The following CLASP1 variants were observed in gnomAD, a reference collection of about 807,000 sequenced individuals.
CLASP1 encodes cytoplasmic linker associated protein 1, also known as CLIP-associating protein 1.
In CLASP1, 38 loss-of-function variants were observed where a neutral mutation model predicts 192.3. The observed-to-expected ratio is 0.20, with a 90% CI of 0.15 to 0.26. The LOEUF (loss-of-function observed/expected upper bound fraction) is 0.26. Ranked by LOEUF, CLASP1 falls within the 10% of genes least tolerant of loss-of-function variation. The pLI is 1.00. For missense variants in CLASP1, 1,433 were observed against 1,932.5 expected, an observed-to-expected ratio of 0.74 and a Z score of 4.85; for synonymous variants, 691 against 712.8, an observed-to-expected ratio of 0.97 and a Z score of 0.49.
intron 18 of CLASP1, 46 bp downstream of exon 18, chr2:121,448,230 C>A (rs752933032): frequency 8.4e-6 from 13 of 1,553,008 alleles, no homozygotes; most frequent in Non-Finnish European, 1.2e-5. Context: ...GCACGTACAG[C>A]CCACCAGAGC....
intron 10 of CLASP1, 48 bp downstream of exon 10, chr2:121,462,484 G>A: frequency 9.5e-7 from 1 of 1,047,356 alleles, no homozygotes; most frequent in Non-Finnish European, 1.4e-6. Context: ...AAAACTTGAA[G>A]AGTAAGTTGA....
intron 8 of CLASP1, among the ~76,000 whole-genome samples, chr2:121,472,366 C>T (rs1263131648): frequency 7.2e-5 from 11 of 152,136 alleles, no homozygotes; most frequent in Admixed American, 5.9e-4. Flanking sequence ...AAAAGAACTA[C>T]GTGCAGGCAC....
intron 1 of CLASP1, among the ~76,000 whole-genome samples, chr2:121,622,567 CAA>C (rs60748257): frequency 2.0e-4 from 27 of 133,928 alleles, no homozygotes; most frequent in South Asian, 2.3e-4. Context: ...GACCCTGTCT[CAA>C]AAAAAAAAAA....
chr2:121,494,294 G>C (rs2093440044), intron 8 of CLASP1, among the ~76,000 whole-genome samples: 1 of 152,228 alleles, frequency 6.6e-6, no homozygotes, highest in South Asian at 2.1e-4. Context: ...CCTGTCATTT[G>C]CAACAACATG....
chr2:121,493,229 T>C (rs542512047), intron 8 of CLASP1, among the ~76,000 whole-genome samples: 47 of 152,278 alleles, frequency 3.1e-4, no homozygotes, highest in South Asian at 1.2e-3. Flanking sequence ...AATCACATTA[T>C]CTGACTTCAA....
At chr2:121,416,450 T>C (rs1387164120) in intron 23 of CLASP1, among the ~76,000 whole-genome samples, 1 of 152,142 alleles carries the variant, frequency 6.6e-6, no homozygotes, top group Non-Finnish European at 1.5e-5. Context: ...GCTACGTAAG[T>C]GGATTCAAAG....
chr2:121,478,745 CACACACCA>C (rs2092060287), intron 8 of CLASP1, among the ~76,000 whole-genome samples: 2 of 79,748 alleles, frequency 2.5e-5, no homozygotes, highest in Non-Finnish European at 2.6e-5. Context: ...ACACACCCCA[CACACACCA>C]CACACACACC....
chr2:121,430,460 T>C (rs142665184), intron 19 of CLASP1, among the ~76,000 whole-genome samples: 234 of 152,400 alleles, frequency 1.5e-3, no homozygotes, highest in Non-Finnish European at 2.7e-3. Context: ...TTTAGTATGT[T>C]ATCTCTTCAG....
At chr2:121,461,266 G>A (rs2087873570) in intron 10 of CLASP1, 73 bp from the exon 11 acceptor site, 1 of 790,108 alleles carries the variant, frequency 1.3e-6, no homozygotes, top group African/African-American at 1.8e-5. Context: ...ATTACATGAA[G>A]TCAAGAACAT....
In CLASP1 at chr2:121,342,490, G is replaced by A. The variant is rs1257312598; in HGVS notation, c.4531-1543C>T. On this transcript the variant is annotated intron_variant, in intron 39 of 39. Transcript: ENST00000263710. ...GATGCAGCAAAAACAGTGCTGAAGA[G>A]GGAAATTTAGAGTTATAAATGCTTA... Among the ~76,000 whole-genome samples the A allele has an allele frequency of 3.9e-5, 6 of 152,188 alleles. 1 individual carries two copies. Among genetic ancestry groups the A allele is most frequent in the African/African-American group, 1.4e-4 (6 of 41,510 alleles).
chr2:121,448,183 C>A, intron 18 of CLASP1, 93 bp downstream of exon 18: 1 of 1,038,082 alleles, frequency 9.6e-7, no homozygotes, highest in Non-Finnish European at 1.5e-6. Flanking sequence ...TGAGGGCAGG[C>A]CGTTGGCCTC....
At chr2:121,643,366 G>A (rs1346327589) in intron 1 of CLASP1, among the ~76,000 whole-genome samples, 1 of 152,180 alleles carries the variant, frequency 6.6e-6, no homozygotes, top group Non-Finnish European at 1.5e-5. Context: ...AAGCCAAGAT[G>A]ATGTAGCTAG....
In CLASP1 at chr2:121,348,504, G is replaced by A; in HGVS notation, c.4413+8C>T. On this transcript the variant is annotated splice_region_variant and intron_variant, in intron 38 of 39. Coordinates refer to ENST00000263710, the Ensembl canonical transcript of CLASP1. ...CCGGGGGCAGGCCCCACCAACACGA[G>A]GGCCTACCTGCAGCAAGCCTGGGAT... 1 of 1,602,654 alleles carries A rather than the reference G, an allele frequency of 6.2e-7. No individual in the cohort carries two copies. Among genetic ancestry groups the A allele is most frequent in the South Asian group, 1.1e-5 (1 of 89,254 alleles).
chr2:121,418,549 T>C, intron 23 of CLASP1, 73 bp downstream of exon 23: 1 of 1,028,260 alleles, frequency 9.7e-7, no homozygotes, highest in South Asian at 1.3e-5. Flanking sequence ...AGCAGGTCAT[T>C]CCGCCTAGCA....
intron 37 of CLASP1, among the ~76,000 whole-genome samples, chr2:121,362,924 G>GGGGCA (rs1446179227): frequency 6.6e-6 from 1 of 152,228 alleles, no homozygotes; most frequent in African/African-American, 2.4e-5. Context: ...ACACATCCCA[G>GGGGCA]GGGCAGGGCA....
chr2:121,374,324 G>C (rs1490185718), intron 34 of CLASP1, among the ~76,000 whole-genome samples: 1 of 152,246 alleles, frequency 6.6e-6, no homozygotes. Context: ...CCTCTACCTA[G>C]ATTTTAGAGG....
At chr2:121,575,478 C>G (rs1158833524) in intron 2 of CLASP1, among the ~76,000 whole-genome samples, 7 of 152,220 alleles carry the variant, frequency 4.6e-5, no homozygotes, top group Admixed American at 1.3e-4. Context: ...TAAGTAAAAG[C>G]ATGAAAATGT....
At chr2:121,410,811 G>A (rs547574795) in intron 24 of CLASP1, 55 bp downstream of exon 25, 84 of 1,058,282 alleles carry the variant, frequency 7.9e-5, no homozygotes, top group South Asian at 3.9e-4. Context: ...AGGACAGAGA[G>A]AAATGCAGAT....
chr2:121,439,081 T>G (rs1438815407), intron 19 of CLASP1, among the ~76,000 whole-genome samples: 4 of 150,896 alleles, frequency 2.7e-5, no homozygotes, highest in African/African-American at 7.3e-5. Flanking sequence ...GTCCAGGAAT[T>G]TATCCATTTC....
Sources: gnomAD v4.1 joint callset for allele counts (sites outside exome capture counted in the v4.1 genomes callset) on GRCh38, gnomAD v4.1.1 for gene constraint, MANE v1.5 for transcripts, NCBI Gene and HGNC (gene_info 2026-07-23, HGNC 2026-07-21) for gene names.